Variants in PTK2 observed in about 807,000 individuals in gnomAD.
The protein encoded by PTK2 is focal adhesion kinase 1.
A neutral mutation model predicts 150.1 loss-of-function variants in PTK2; 45 were observed. That is an observed-to-expected ratio of 0.30 (90% CI 0.24 to 0.38). PTK2 has a LOEUF of 0.38. Among genes scored for constraint, PTK2 ranks in the 10% least tolerant of loss-of-function variants. The probability of loss-of-function intolerance (pLI) is 1.00; values close to 1 mark genes in which losing one functional copy is unlikely to be tolerated. For synonymous variants in PTK2, 432 were observed against 449.2 expected (o/e 0.96, Z 0.48); for missense variants, 919 against 1,307.3 (o/e 0.70, Z 4.58).
chr8:140,686,759 G>A, intron 26 of PTK2, 65 bp from the exon 30 acceptor site: 2 of 1,362,650 alleles, frequency 1.5e-6, no homozygotes, highest in Non-Finnish European at 2.1e-6. Flanking sequence ...GACAGATTCT[G>A]TATTAAATTC....
Position 140,778,720 on chromosome 8 carries a change from T to C in PTK2, c.1177+10754A>G, listed in dbSNP as rs930037064. ...ACGAGTAGGGCAGAGATGATGGGGA[T>C]GTAGGCCAGGGAAGGATACAATTAT... On this transcript the variant is annotated intron_variant, in intron 14 of 31. Transcript: ENST00000522684. Among the ~76,000 whole-genome samples, 14 of 152,224 alleles carry C rather than the reference T, an allele frequency of 9.2e-5. No individual in the cohort carries two copies. In the East Asian group the frequency reaches 2.7e-3, roughly 29 times the overall value.
rs560780422 is a variant in PTK2, at chr8:140,731,652, T to C, written c.2030+3599A>G. Among the ~76,000 whole-genome samples the C allele has an allele frequency of 1.5e-4, 23 of 152,274 alleles. No individual in the cohort carries two copies. In the South Asian group the frequency reaches 4.6e-3, roughly 30 times the overall value. Reference sequence around the variant, plus strand: ...GCTCATGCCTGTAATCTCAGTACTTTGAAAGGCCAAGGTGGGTGGATTGCT... The same window carrying C: ...GCTCATGCCTGTAATCTCAGTACTTCGAAAGGCCAAGGTGGGTGGATTGCT... On this transcript the variant is annotated intron_variant, in intron 22 of 31. Transcript: ENST00000522684.
intron 14 of PTK2, among the ~76,000 whole-genome samples, chr8:140,776,897 G>A (rs983752723): frequency 2.0e-5 from 3 of 152,318 alleles, no homozygotes; most frequent in East Asian, 1.9e-4. Flanking sequence ...ATCCTCAGGC[G>A]CGAAGTGCTG....
At chr8:140,906,883 G>T (rs1253374022) in intron 2 of PTK2, among the ~76,000 whole-genome samples, 1 of 152,046 alleles carries the variant, frequency 6.6e-6, no homozygotes, top group Non-Finnish European at 1.5e-5. Context: ...TTGTATACAG[G>T]TATCACGTAT....
In PTK2 at chr8:140,663,527, C is replaced by CAGA. The variant is rs201570739; in HGVS notation, c.2946+1387_2946+1389dup. Reference sequence around the variant, plus strand: ...CACATGCGTTTGTCAATCCCAACCACAGAATGTACACCCTAGGCTCAAAGA... The same window carrying CAGA: ...CACATGCGTTTGTCAATCCCAACCACAGAAGAATGTACACCCTAGGCTCAAAGA... On this transcript the variant is annotated intron_variant, in intron 31 of 31. Coordinates refer to ENST00000522684, the Ensembl canonical transcript of PTK2. 5.4e-3 allele frequency among the ~76,000 whole-genome samples: 822 copies of CAGA among 152,316 alleles called. 46 individuals carry two copies. The highest frequency in any genetic ancestry group is 0.048 in the Admixed American group (733 of 15,302).
chr8:140,975,775 G>A (rs1043626749), intron 1 of PTK2, among the ~76,000 whole-genome samples: 4 of 152,156 alleles, frequency 2.6e-5, no homozygotes, highest in Admixed American at 6.5e-5. Context: ...GCCTGAGCAC[G>A]CTAAGAGACA....
At chr8:140,820,087 T>TG (rs2100107373) in intron 8 of PTK2, among the ~76,000 whole-genome samples, 8 of 53,394 alleles carry the variant, frequency 1.5e-4, no homozygotes, top group Non-Finnish European at 2.6e-4. Context: ...TTTTTTTTTT[T>TG]TTTTTTTTTT....
intron 22 of PTK2, among the ~76,000 whole-genome samples, chr8:140,722,803 CA>C (rs1249537506): frequency 2.0e-5 from 3 of 151,978 alleles, no homozygotes; most frequent in Admixed American, 6.6e-5. Flanking sequence ...CCATAAAAAT[CA>C]AGAAAAAAAA....
chr8:140,709,690 T>A (rs1564833176), intron 23 of PTK2, among the ~76,000 whole-genome samples: 1 of 152,194 alleles, frequency 6.6e-6, no homozygotes. Context: ...AGTCCAAAAG[T>A]GTCAACTGCT....
At chr8:140,876,668 A>G (rs1286347236) in intron 4 of PTK2, among the ~76,000 whole-genome samples, 4 of 152,156 alleles carry the variant, frequency 2.6e-5, no homozygotes, top group African/African-American at 7.2e-5. Flanking sequence ...TTTCTGTTAG[A>G]AATGGGTTGA....
intron 5 of PTK2, among the ~76,000 whole-genome samples, chr8:140,852,557 G>A (rs1322049253): frequency 6.6e-6 from 1 of 152,006 alleles, no homozygotes; most frequent in Admixed American, 6.5e-5. Context: ...TGACTGAAGT[G>A]GTAATTACTG....
At chr8:140,738,523 C>G (rs1188287154) in intron 21 of PTK2, among the ~76,000 whole-genome samples, 1 of 152,098 alleles carries the variant, frequency 6.6e-6, no homozygotes, top group Admixed American at 6.6e-5. Context: ...ATCAAAAAAG[C>G]AGAAGCTACA....
chr8:140,717,601 G>C (rs375862430), exon 23 of PTK2: 5 of 1,611,026 alleles, frequency 3.1e-6, no homozygotes, highest in Non-Finnish European at 2.5e-6. Flanking sequence ...TAGCTACCTT[G>C]GGCGGTGCTT....
intron 8 of PTK2, among the ~76,000 whole-genome samples, chr8:140,829,965 C>T (rs548471748): frequency 5.9e-5 from 9 of 152,082 alleles, no homozygotes; most frequent in Non-Finnish European, 1.2e-4. Context: ...GTGCTCTCCA[C>T]GCTGGATATG....
intron 23 of PTK2, among the ~76,000 whole-genome samples, chr8:140,715,612 A>C (rs1238449025): frequency 6.6e-6 from 1 of 152,192 alleles, no homozygotes; most frequent in African/African-American, 2.4e-5. Flanking sequence ...GCTGTGGATA[A>C]TATACAAATA....
chr8:140,753,748 A>G (rs1324314172), intron 16 of PTK2, among the ~76,000 whole-genome samples: 2 of 152,224 alleles, frequency 1.3e-5, no homozygotes, highest in Non-Finnish European at 2.9e-5. Context: ...TAATATTGTC[A>G]TTTACATAAC....
At chr8:140,978,317 C>T (rs1219368835) in intron 1 of PTK2, among the ~76,000 whole-genome samples, 5 of 146,588 alleles carry the variant, frequency 3.4e-5, no homozygotes, top group African/African-American at 7.5e-5. Context: ...TCAGAGTGAA[C>T]AGGCAACCTA....
chr8:140,931,733 G>A (rs952384769), intron 1 of PTK2, among the ~76,000 whole-genome samples: 1 of 151,384 alleles, frequency 6.6e-6, no homozygotes. Context: ...CCAGGAGTTC[G>A]AGACCAGCCT....
At chr8:140,847,795 C>T (rs1429884759) in intron 5 of PTK2, among the ~76,000 whole-genome samples, 1 of 152,172 alleles carries the variant, frequency 6.6e-6, no homozygotes, top group Admixed American at 6.5e-5. Flanking sequence ...AAAAAATTTT[C>T]AAACATCCTG....
Sources: allele counts gnomAD v4.1 joint callset (sites outside exome capture counted in the v4.1 genomes callset), GRCh38; gene constraint gnomAD v4.1.1; transcripts MANE v1.5; gene names NCBI Gene and HGNC (gene_info 2026-07-23, HGNC 2026-07-21).